The following PIBF1 variants were observed in gnomAD, a reference collection of about 807,000 sequenced individuals.
The protein encoded by PIBF1 is progesterone-induced-blocking factor 1.
Under a neutral mutation model 112.5 loss-of-function variants are expected in PIBF1, and 90 were observed. The ratio of observed to expected loss-of-function variants is 0.80; its 90% CI spans 0.67 to 0.95. The LOEUF is 0.95. Ranked by LOEUF, PIBF1 falls within the 40% of genes least tolerant of loss-of-function variation. The probability of loss-of-function intolerance (pLI) is 0.00; values close to 1 mark genes in which losing one functional copy is unlikely to be tolerated. For missense variants in PIBF1, 915 were observed against 852.3 expected (o/e 1.07, Z -0.92); for synonymous variants, 301 against 288.6 (o/e 1.04, Z -0.44).
At chr13:72,852,216 A>G (rs1394191547) in intron 9 of PIBF1, among the ~76,000 whole-genome samples, 1 of 145,782 alleles carries the variant, frequency 6.9e-6, no homozygotes, top group East Asian at 1.9e-4. Context: ...GCCCAGACCT[A>G]GGAGCTCCCT....
intron 14 of PIBF1, among the ~76,000 whole-genome samples, chr13:72,951,312 A>G (rs1268145887): frequency 6.6e-6 from 1 of 152,196 alleles, no homozygotes; most frequent in Admixed American, 6.5e-5. Context: ...TGATTCTGGA[A>G]CCAGACTCAC....
intron 13 of PIBF1, among the ~76,000 whole-genome samples, chr13:72,923,043 G>A (rs921415880): frequency 1.3e-5 from 2 of 152,152 alleles, no homozygotes; most frequent in African/African-American, 4.8e-5. Flanking sequence ...TGCCATGCTA[G>A]TAGAGACAGG....
At chr13:72,948,474 G>A (rs890308513) in intron 14 of PIBF1, among the ~76,000 whole-genome samples, 9 of 152,096 alleles carry the variant, frequency 5.9e-5, no homozygotes, top group African/African-American at 2.2e-4. Flanking sequence ...CCAGTCTCTA[G>A]GAGGCTCCAA....
At chr13:72,916,950 C>T (rs1375705274) in intron 12 of PIBF1, 126 bp from the exon 13 acceptor site, 1 of 488,520 alleles carries the variant, frequency 2.0e-6, no homozygotes, top group Non-Finnish European at 3.6e-6. Context: ...TTTAAGATTA[C>T]ATATTAGCCC....
Position 72,851,760 on chromosome 13 carries a change from G to T in PIBF1, c.1224-2297G>T, listed in dbSNP as rs906454705. Reference sequence around the variant, plus strand: ...CCCATTGCCACCTATGGACCAATCAGCATATACTTCCTCCCCACTGAAGCC... The same window carrying T: ...CCCATTGCCACCTATGGACCAATCATCATATACTTCCTCCCCACTGAAGCC... On this transcript the variant is annotated intron_variant, in intron 9 of 17. Transcript: ENST00000326291. 2.6e-5 allele frequency among the ~76,000 whole-genome samples: 4 copies of T among 152,184 alleles called. No individual in the cohort carries two copies. In the East Asian group the frequency reaches 5.8e-4, roughly 22 times the overall value.
Position 72,795,334 on chromosome 13 carries a change from T to C in PIBF1, c.354-25T>C, listed in dbSNP as rs2035137381. On this transcript the variant is annotated intron_variant, in intron 3 of 17. Coordinates refer to ENST00000326291, the MANE Select transcript of PIBF1 (RefSeq NM_006346.4). Reference sequence around the variant, plus strand: ...AGATCTCAAATACTTTTTTAAAGCCTGCCATAAATTCTCTTCTAATGTAGC... The same window carrying C: ...AGATCTCAAATACTTTTTTAAAGCCCGCCATAAATTCTCTTCTAATGTAGC... 2.1e-6 allele frequency: 3 copies of C among 1,398,202 alleles called. No individual in the cohort carries two copies. The East Asian group carries it at 6.9e-5, about 32-fold the overall frequency. The allele number at this position is 1,398,202 out of a possible 1,614,324, so 86.6% of individuals were successfully genotyped here.
At chr13:72,908,020 T>A (rs2040761335) in intron 11 of PIBF1, among the ~76,000 whole-genome samples, 2 of 152,208 alleles carry the variant, frequency 1.3e-5, no homozygotes, top group African/African-American at 4.8e-5. Context: ...GTACTTCACA[T>A]TTACCTTTTG....
chr13:72,821,992 T>A lies in PIBF1; in HGVS notation c.806+10T>A. On this transcript the variant is annotated intron_variant, in intron 6 of 17. Transcript: ENST00000326291. Reference sequence around the variant, plus strand: ...ATGATAAAGTCAAGAGGTAAGTAGTTAAAATGGCTGCAGTAGTAGTTCTCT... The same window carrying A: ...ATGATAAAGTCAAGAGGTAAGTAGTAAAAATGGCTGCAGTAGTAGTTCTCT... The A allele has an allele frequency of 6.2e-7, 1 of 1,602,648 alleles. No homozygotes were observed. The highest frequency in any genetic ancestry group is 8.5e-7 in the Non-Finnish European group (1 of 1,175,102).
intron 16 of PIBF1, among the ~76,000 whole-genome samples, chr13:72,987,463 T>C (rs2043327342): frequency 2.0e-5 from 3 of 152,102 alleles, no homozygotes; most frequent in Admixed American, 2.0e-4. Flanking sequence ...GAGACTGGGC[T>C]AAATAACTTG....
chr13:72,916,733 GAT>G (rs972532621), intron 12 of PIBF1, among the ~76,000 whole-genome samples: 2 of 151,954 alleles, frequency 1.3e-5, no homozygotes, highest in African/African-American at 4.8e-5. Context: ...TGATGACTTT[GAT>G]ATGTTATCAT....
chr13:72,949,963 G>A (rs749639062), intron 14 of PIBF1, among the ~76,000 whole-genome samples: 23 of 152,120 alleles, frequency 1.5e-4, no homozygotes, highest in South Asian at 2.1e-4. Context: ...TGGAGTCATC[G>A]GGTGTGACTG....
intron 14 of PIBF1, among the ~76,000 whole-genome samples, chr13:72,961,034 C>CT (rs781086818): frequency 0.01 from 1,429 of 137,702 alleles, 24 homozygotes; most frequent in African/African-American, 0.034. Flanking sequence ...TCATTTCCTT[C>CT]TTTTTTTTTT....
At chr13:72,887,856 A>T (rs1362983300) in intron 10 of PIBF1, among the ~76,000 whole-genome samples, 1 of 152,110 alleles carries the variant, frequency 6.6e-6, no homozygotes, top group Non-Finnish European at 1.5e-5. Context: ...TTCACGTCTA[A>T]ATATGTATAT....
chr13:72,974,643 A>G (rs1031511746), intron 16 of PIBF1, among the ~76,000 whole-genome samples: 2 of 152,148 alleles, frequency 1.3e-5, no homozygotes, highest in Middle Eastern at 3.4e-3. Flanking sequence ...TTTCCTTTTT[A>G]TTGCTGAGTA....
At position 72,858,023 on chromosome 13, in the gene PIBF1, T is replaced by TTGCTTTGTGTGTGTG. The variant is rs71099760; in HGVS notation, c.1322+3870_1322+3871insCTTTGTGTGTGTGTG. 1.7e-3 allele frequency among the ~76,000 whole-genome samples: 245 copies of TTGCTTTGTGTGTGTG among 141,306 alleles called. 2 individuals are homozygous for TTGCTTTGTGTGTGTG. Among genetic ancestry groups the TTGCTTTGTGTGTGTG allele is most frequent in the South Asian group, 4.9e-3 (20 of 4,048 alleles). The allele number at this position is 141,306 out of a possible 152,430, so 92.7% of individuals were successfully genotyped here. A position where few individuals can be genotyped will look rare whatever the true frequency, so the allele number is the denominator to read the frequency against. Reference sequence around the variant, plus strand: ...TACCTATCAGAAGTACAAATGTACATTGTGTGTGTGTGTGTGTGTGTGTGT... The same window carrying TTGCTTTGTGTGTGTG: ...TACCTATCAGAAGTACAAATGTACATTGCTTTGTGTGTGTGTGTGTGTGTGTGTGTGTGTGTGTGT... On this transcript the variant is annotated intron_variant, in intron 10 of 17. Transcript: ENST00000326291.
At chr13:72,976,643 A>G (rs2043029213) in intron 16 of PIBF1, among the ~76,000 whole-genome samples, 1 of 152,196 alleles carries the variant, frequency 6.6e-6, no homozygotes, top group South Asian at 2.1e-4. Context: ...ATCATTTTCT[A>G]AGAAACCATT....
intron 13 of PIBF1, among the ~76,000 whole-genome samples, chr13:72,920,086 A>AT (rs1449713526): frequency 6.6e-6 from 1 of 152,142 alleles, no homozygotes; most frequent in Non-Finnish European, 1.5e-5. Context: ...GCACATTACT[A>AT]TTTTTTTAAG....
At chr13:72,908,709 C>T in intron 12 of PIBF1, 28 bp downstream of exon 12, 2 of 1,573,714 alleles carry the variant, frequency 1.3e-6, no homozygotes, top group Non-Finnish European at 1.7e-6. Context: ...CACACATGCA[C>T]AACTTTTTTT....
At chr13:72,872,843 C>T (rs2039223108) in intron 10 of PIBF1, among the ~76,000 whole-genome samples, 1 of 152,060 alleles carries the variant, frequency 6.6e-6, no homozygotes, top group Non-Finnish European at 1.5e-5. Context: ...ACCTTTACAA[C>T]AGCAGAAAAA....
Sources: gnomAD v4.1 joint callset for allele counts (sites outside exome capture counted in the v4.1 genomes callset) on GRCh38, gnomAD v4.1.1 for gene constraint, MANE v1.5 for transcripts, NCBI Gene and HGNC (gene_info 2026-07-23, HGNC 2026-07-21) for gene names.